KCNK12: variants seen among roughly 807,000 people sequenced by gnomAD.
KCNK12 encodes the protein potassium channel subfamily K member 12.
KCNK12 carries 6 observed loss-of-function variants against 25.3 expected under a neutral mutation model. The ratio of observed to expected loss-of-function variants is 0.24; its 90% CI spans 0.13 to 0.47. KCNK12 has a LOEUF of 0.47. KCNK12 is among the 20% of genes least tolerant of loss of function. KCNK12 has a pLI of 0.99. For missense variants in KCNK12, 444 were observed against 661.7 expected, an observed-to-expected ratio of 0.67 and a Z score of 3.61; for synonymous variants, 331 against 311.1, an observed-to-expected ratio of 1.06 and a Z score of -0.67.
Position 47,511,970 on chromosome 2 carries a change from T to C in KCNK12, c.*8937A>G, listed in dbSNP as rs1230652716. Reference sequence around the variant, plus strand: ...TGTGGCTTGTGGCTGCCTATTGGACTGTGCAGTTCTGGAGAATGGTACTTT... The same window carrying C: ...TGTGGCTTGTGGCTGCCTATTGGACCGTGCAGTTCTGGAGAATGGTACTTT... On this transcript the variant is annotated 3_prime_UTR_variant, in exon 2 of 2. Transcript: ENST00000327876. This position sits in a 1 kb window ranked among gnomAD's most constrained non-coding sequence, Gnocchi z 4.3. Among the ~76,000 whole-genome samples, 1 of 152,226 alleles carries C rather than the reference T, an allele frequency of 6.6e-6. No individual in the cohort carries two copies. The highest frequency in any genetic ancestry group is 1.5e-5 in the Non-Finnish European group (1 of 68,038).
At chr2:47,544,858 T>C (rs1669278310) in intron 1 of KCNK12, among the ~76,000 whole-genome samples, 1 of 152,120 alleles carries the variant, frequency 6.6e-6, no homozygotes, top group South Asian at 2.1e-4. Context: ...GATTCTGACA[T>C]CACATACCAA....
rs1668556637 is a variant in KCNK12 at position 47,517,605 on chromosome 2, T to C, written c.*3302A>G. ...GTGTGTGTGTATATATATATACATATATGCATGATGCTGTGCAAATGCCCA... is the reference window on the plus strand; with the variant it reads ...GTGTGTGTGTATATATATATACATACATGCATGATGCTGTGCAAATGCCCA... On this transcript the variant is annotated 3_prime_UTR_variant, in exon 2 of 2. Coordinates refer to ENST00000327876, the MANE Select transcript of KCNK12 (RefSeq NM_022055.2). The surrounding 1 kb of genome is among the most constrained non-coding windows in gnomAD (Gnocchi z 4.1). 6.6e-6 allele frequency: 1 copy of C among 152,198 alleles called. No homozygotes were observed. The highest frequency in any genetic ancestry group is 1.5e-5 in the Non-Finnish European group (1 of 67,992). 9.4% of individuals were successfully genotyped at this position (152,198 alleles called of 1,614,324 possible). A position where few individuals can be genotyped will look rare whatever the true frequency, so the allele number is the denominator to read the frequency against.
At chr2:47,534,927 C>T in intron 1 of KCNK12, 1 of 219,428 alleles carries the variant, frequency 4.6e-6, no homozygotes, top group East Asian at 6.7e-5. Flanking sequence ...ATCCTGCTCT[C>T]AAGTGGATAG....
At chr2:47,550,499 C>A (rs932756550) in intron 1 of KCNK12, among the ~76,000 whole-genome samples, 1 of 150,428 alleles carries the variant, frequency 6.6e-6, no homozygotes, top group Admixed American at 6.6e-5. Flanking sequence ...TCTCCTGCCT[C>A]AGCCTCCCGA....
rs1411224272 is a variant in KCNK12, at chr2:47,519,120, C to A, written c.*1787G>T. 6.6e-6 allele frequency: 1 copy of A among 152,244 alleles called. No individual in the cohort carries two copies. Among genetic ancestry groups the A allele is most frequent in the African/African-American group, 2.4e-5 (1 of 41,454 alleles). 9.4% of individuals were successfully genotyped at this position (152,244 alleles called of 1,614,324 possible). On this transcript the variant is annotated 3_prime_UTR_variant, in exon 2 of 2. Transcript: ENST00000327876. ...CTCCTGGCCAGCGCTGCTTCACTGG[C>A]TTCACCCCAGATTAGGGCCTGTGTT...
rs1669555389 is a variant in KCNK12 at position 47,556,607 on chromosome 2, GA to G, written c.391+13333del. ...AGCCATATTCAGCTGCTTGAGGGCA[GA>G]TGAAGAATACGTGGGAAGTTGGTAT... is the stretch of plus-strand genomic sequence containing the variant. On this transcript the variant is annotated intron_variant, in intron 1 of 1. Transcript: ENST00000327876. This position sits in a 1 kb window ranked among gnomAD's most constrained non-coding sequence, Gnocchi z 4.8. Among the ~76,000 whole-genome samples, 1 of 152,188 alleles carries G rather than the reference GA, an allele frequency of 6.6e-6. No individual in the cohort carries two copies. Among genetic ancestry groups the G allele is most frequent in the Non-Finnish European group, 1.5e-5 (1 of 68,052 alleles).
intron 1 of KCNK12, among the ~76,000 whole-genome samples, chr2:47,531,200 C>T (rs1231853626): frequency 5.3e-5 from 8 of 152,148 alleles, no homozygotes; most frequent in African/African-American, 1.7e-4. Context: ...GGGCCGGGCA[C>T]GGTGGCTCAC....
In KCNK12 at chr2:47,516,365, C is replaced by T. The variant is rs1184249580; in HGVS notation, c.*4542G>A. ...CCAGGTTGGATCCATCTCCCAGTCCCCCAGCCTTGGCTCAGCCTGGCCAAG... is the reference window on the plus strand; with the variant it reads ...CCAGGTTGGATCCATCTCCCAGTCCTCCAGCCTTGGCTCAGCCTGGCCAAG... On this transcript the variant is annotated 3_prime_UTR_variant, in exon 2 of 2. Transcript: ENST00000327876. 6.6e-6 allele frequency among the ~76,000 whole-genome samples: 1 copy of T among 152,184 alleles called. No homozygotes were observed. Among genetic ancestry groups the T allele is most frequent in the Admixed American group, 6.5e-5 (1 of 15,284 alleles).
Position 47,519,432 on chromosome 2 carries a change from G to T in KCNK12, c.*1475C>A, listed in dbSNP as rs1668598029. 1 of 152,134 alleles carries T rather than the reference G, an allele frequency of 6.6e-6. No homozygotes were observed. The highest frequency in any genetic ancestry group is 1.5e-5 in the Non-Finnish European group (1 of 68,028). The allele number at this position is 152,134 out of a possible 1,614,324, so 9.4% of individuals were successfully genotyped here. A position where few individuals can be genotyped will look rare whatever the true frequency, so the allele number is the denominator to read the frequency against. The stretch of plus-strand genomic sequence containing the variant: ...TATCAGAAGCTGTGCATACTGGTGG[G>T]TCACGCCGTGCCTGTATAAACTCTG... On this transcript the variant is annotated 3_prime_UTR_variant, in exon 2 of 2. Transcript: ENST00000327876.
At chr2:47,561,084 G>A (rs1558565544) in intron 1 of KCNK12, among the ~76,000 whole-genome samples, 1 of 152,194 alleles carries the variant, frequency 6.6e-6, no homozygotes, top group Non-Finnish European at 1.5e-5. Context: ...TCAGAGAAGT[G>A]TGGCGGGACC....
At position 47,511,973 on chromosome 2, in the gene KCNK12, G is replaced by A. The variant is rs543554861; in HGVS notation, c.*8934C>T. On this transcript the variant is annotated 3_prime_UTR_variant, in exon 2 of 2. Transcript: ENST00000327876. This position sits in a 1 kb window ranked among gnomAD's most constrained non-coding sequence, Gnocchi z 4.3. ...GGCTTGTGGCTGCCTATTGGACTGT[G>A]CAGTTCTGGAGAATGGTACTTTACT... Among the ~76,000 whole-genome samples the A allele has an allele frequency of 7.9e-5, 12 of 152,308 alleles. No homozygotes were observed. In the South Asian group the frequency reaches 2.5e-3, roughly 32 times the overall value.
chr2:47,521,892 G>A, intron 1 of KCNK12, 84 bp from the exon 2 acceptor site: 1 of 1,089,498 alleles, frequency 9.2e-7, no homozygotes, highest in Non-Finnish European at 1.3e-6. Context: ...GGGGGCGGGG[G>A]CATGCAGGTG....
intron 1 of KCNK12, among the ~76,000 whole-genome samples, chr2:47,544,294 T>C (rs1413856551): frequency 2.0e-5 from 3 of 152,186 alleles, no homozygotes; most frequent in Non-Finnish European, 2.9e-5. Flanking sequence ...CCTGTAACGC[T>C]TCCCTTTCGA....
Position 47,528,788 on chromosome 2 carries a change from G to T in KCNK12, c.392-6980C>A, listed in dbSNP as rs1051607027. Among the ~76,000 whole-genome samples the T allele has an allele frequency of 2.6e-5, 4 of 152,212 alleles. No individual in the cohort carries two copies. Among genetic ancestry groups the T allele is most frequent in the East Asian group, 3.8e-4 (2 of 5,202 alleles). On this transcript the variant is annotated intron_variant, in intron 1 of 1. Transcript: ENST00000327876. This position sits in a 1 kb window ranked among gnomAD's most constrained non-coding sequence, Gnocchi z 4.5. ...GTCTGGTGCCGCCTTCGCAAATGGG[G>T]CCCTGGTGATGGGGCCTTCGGAGTT...
intron 1 of KCNK12, among the ~76,000 whole-genome samples, chr2:47,532,108 C>T (rs576693913): frequency 5.9e-5 from 9 of 152,186 alleles, no homozygotes; most frequent in South Asian, 4.2e-4. Flanking sequence ...TATTTGCACA[C>T]GGTGTAGCAG....
In KCNK12 at chr2:47,538,408, G is replaced by C. The variant is rs1669121409; in HGVS notation, c.392-16600C>G. ...GATGTTTGATAAAGGACTAGGGTAA[G>C]AGTGTTTCAGGCTAGTCAACAGCAC... On this transcript the variant is annotated intron_variant, in intron 1 of 1. Transcript: ENST00000327876. This position sits in a 1 kb window ranked among gnomAD's most constrained non-coding sequence, Gnocchi z 4.5. 2.0e-5 allele frequency among the ~76,000 whole-genome samples: 3 copies of C among 152,166 alleles called. No individual in the cohort carries two copies. Among genetic ancestry groups the C allele is most frequent in the Admixed American group, 1.3e-4 (2 of 15,280 alleles).
In KCNK12 at chr2:47,509,372, T is replaced by TG. The variant is rs1299505149; in HGVS notation, c.*11534dup. Among the ~76,000 whole-genome samples the TG allele has an allele frequency of 1.3e-5, 2 of 152,154 alleles. No individual in the cohort carries two copies. Among genetic ancestry groups the TG allele is most frequent in the African/African-American group, 4.8e-5 (2 of 41,434 alleles). On this transcript the variant is annotated 3_prime_UTR_variant, in exon 2 of 2. Coordinates refer to ENST00000327876, the MANE Select transcript of KCNK12 (RefSeq NM_022055.2). ...TCTTGGAAGGTTGTTCAGGATGAGA[T>TG]GGGGGAGGTGAAATGGGGTAGGTCT...
chr2:47,569,844 G>T lies in KCNK12; in HGVS notation c.391+97C>A. 9.9e-7 allele frequency: 1 copy of T among 1,010,630 alleles called. No individual in the cohort carries two copies. Among genetic ancestry groups the T allele is most frequent in the Non-Finnish European group, 1.3e-6 (1 of 767,466 alleles). The allele number at this position is 1,010,630 out of a possible 1,614,324, so 62.6% of individuals were successfully genotyped here. Reference sequence around the variant, plus strand: ...AAGCAAAGGGACATTAGAAGGGAAGGCAGAGCCGAGGGACGCGGACCGAGC... The same window carrying T: ...AAGCAAAGGGACATTAGAAGGGAAGTCAGAGCCGAGGGACGCGGACCGAGC... On this transcript the variant is annotated intron_variant, in intron 1 of 1. Transcript: ENST00000327876. The surrounding 1 kb of genome is among the most constrained non-coding windows in gnomAD (Gnocchi z 4.1).
rs554355041 is a variant in KCNK12 at position 47,533,909 on chromosome 2, C to T, written c.392-12101G>A. Among the ~76,000 whole-genome samples, 6 of 152,074 alleles carry T rather than the reference C, an allele frequency of 3.9e-5. No individual in the cohort carries two copies. In the East Asian group the frequency reaches 9.7e-4, roughly 25 times the overall value. ...CAGTGCACCCCTCTTGCATTGGGTGCGCAGTGATCCGGACAGAGAGGCTCC... is the reference window on the plus strand; with the variant it reads ...CAGTGCACCCCTCTTGCATTGGGTGTGCAGTGATCCGGACAGAGAGGCTCC... On this transcript the variant is annotated intron_variant, in intron 1 of 1. Transcript: ENST00000327876. The surrounding 1 kb of genome is among the most constrained non-coding windows in gnomAD (Gnocchi z 4.7).
Sources: gnomAD v4.1 joint callset for allele counts (sites outside exome capture counted in the v4.1 genomes callset) on GRCh38, gnomAD v4.1.1 for gene constraint, Gnocchi (gnomAD v3.1) non-coding constraint, MANE v1.5 for transcripts, NCBI Gene and HGNC (gene_info 2026-07-23, HGNC 2026-07-21) for gene names.